Variants in LRRC3B observed in about 807,000 individuals in gnomAD.
The protein encoded by LRRC3B is leucine-rich repeat-containing protein 3B.
Under a neutral mutation model 12.8 loss-of-function variants are expected in LRRC3B, and 2 were observed. The ratio of observed to expected loss-of-function variants is 0.16; its 90% confidence interval spans 0.06 to 0.49. LRRC3B has a LOEUF of 0.49. Among genes scored for constraint, LRRC3B ranks in the 20% least tolerant of loss-of-function variants. The pLI is 0.96. For missense variants in LRRC3B, 189 were observed against 319.4 expected (o/e 0.59, Z 3.11); for synonymous variants, 132 against 122.0 (o/e 1.08, Z -0.54).
intron 1 of LRRC3B, among the ~76,000 whole-genome samples, chr3:26,682,582 T>C (rs1241890350): frequency 6.6e-6 from 1 of 152,204 alleles, no homozygotes; most frequent in Admixed American, 6.5e-5. Flanking sequence ...GGTCCTGTCA[T>C]TGAGATGGGA....
chr3:26,631,074 G>A (rs1698747436), intron 1 of LRRC3B, among the ~76,000 whole-genome samples: 1 of 152,130 alleles, frequency 6.6e-6, no homozygotes, highest in Admixed American at 6.5e-5. Flanking sequence ...TACTGGTATT[G>A]GAAAGTAGAG....
At chr3:26,690,483 G>A (rs544215104) in intron 1 of LRRC3B, among the ~76,000 whole-genome samples, 4 of 152,256 alleles carry the variant, frequency 2.6e-5, no homozygotes, top group South Asian at 2.1e-4. Flanking sequence ...TTACTGCATC[G>A]TGCAGACAAT....
At chr3:26,696,071 A>G (rs1373789345) in intron 1 of LRRC3B, among the ~76,000 whole-genome samples, 1 of 152,242 alleles carries the variant, frequency 6.6e-6, no homozygotes, top group Non-Finnish European at 1.5e-5. Context: ...ATGATAGCAA[A>G]TCATGGGAGA....
intron 1 of LRRC3B, among the ~76,000 whole-genome samples, chr3:26,651,113 C>T (rs1699256094): frequency 6.6e-6 from 1 of 152,152 alleles, no homozygotes; most frequent in Admixed American, 6.5e-5. Flanking sequence ...ATATTTGTTC[C>T]ATTCCATGAT....
At chr3:26,687,845 T>TCA (rs1700116868) in intron 1 of LRRC3B, among the ~76,000 whole-genome samples, 2 of 152,250 alleles carry the variant, frequency 1.3e-5, no homozygotes, top group Non-Finnish European at 2.9e-5. Context: ...AGGGTTGAGA[T>TCA]AATCCATAGT....
chr3:26,682,719 C>T (rs964266094), intron 1 of LRRC3B, among the ~76,000 whole-genome samples: 6 of 152,202 alleles, frequency 3.9e-5, no homozygotes, highest in Non-Finnish European at 7.3e-5. Flanking sequence ...GCTCCCCTCT[C>T]AGGGTTCTCA....
At chr3:26,709,728 A>C (rs1440764085) in exon 2 of LRRC3B, 1 of 1,614,078 alleles carries the variant, frequency 6.2e-7, no homozygotes. Context: ...CTCCTCCTAC[A>C]AAGTTTTGTT....
At chr3:26,670,081 T>C (rs1433823832) in intron 1 of LRRC3B, among the ~76,000 whole-genome samples, 7 of 152,218 alleles carry the variant, frequency 4.6e-5, no homozygotes, top group Non-Finnish European at 1.0e-4. Context: ...TAGAGCTCCA[T>C]GCTAATCACT....
intron 1 of LRRC3B, among the ~76,000 whole-genome samples, chr3:26,696,995 T>G (rs1338921369): frequency 1.3e-5 from 2 of 152,212 alleles, no homozygotes; most frequent in Non-Finnish European, 2.9e-5. Context: ...TCTGATGTTT[T>G]TGTTTTCTGT....
intron 1 of LRRC3B, among the ~76,000 whole-genome samples, chr3:26,672,905 A>G (rs1699780381): frequency 6.6e-6 from 1 of 152,226 alleles, no homozygotes; most frequent in South Asian, 2.1e-4. Flanking sequence ...CCACCAGATC[A>G]GCTGTACAGA....
At chr3:26,667,569 A>G (rs2125428079) in intron 1 of LRRC3B, among the ~76,000 whole-genome samples, 1 of 152,242 alleles carries the variant, frequency 6.6e-6, no homozygotes, top group African/African-American at 2.4e-5. Flanking sequence ...CAGTCTTCTG[A>G]CCTGGAAGGG....
At chr3:26,644,824 G>T (rs1019883351) in intron 1 of LRRC3B, among the ~76,000 whole-genome samples, 1 of 152,142 alleles carries the variant, frequency 6.6e-6, no homozygotes. Flanking sequence ...ATTTGAGGAT[G>T]AAGTATATCA....
At chr3:26,709,576 G>A (rs751385717) in exon 2 of LRRC3B, 21 of 1,228,514 alleles carry the variant, frequency 1.7e-5, no homozygotes, top group Middle Eastern at 2.0e-4. Flanking sequence ...TTTGAAACAC[G>A]CAAGAAGGAA....
At chr3:26,628,120 G>C (rs1290646761) in intron 1 of LRRC3B, among the ~76,000 whole-genome samples, 1 of 152,148 alleles carries the variant, frequency 6.6e-6, no homozygotes, top group African/African-American at 2.4e-5. Flanking sequence ...TGACACGTCT[G>C]CTGGGGAGAT....
At chr3:26,624,624 T>G (rs1033218627) in intron 1 of LRRC3B, 2 of 152,650 alleles carry the variant, frequency 1.3e-5, no homozygotes, top group Non-Finnish European at 2.9e-5. Flanking sequence ...AGCCCTGTGC[T>G]GCGCCCGGGA....
chr3:26,703,722 G>A (rs1318024630), intron 1 of LRRC3B, among the ~76,000 whole-genome samples: 7 of 151,362 alleles, frequency 4.6e-5, no homozygotes, highest in African/African-American at 1.2e-4. Flanking sequence ...CAGATTGTGC[G>A]TCAGAGATCT....
chr3:26,705,797 T>TCCTCATACC (rs1264879866), intron 1 of LRRC3B, among the ~76,000 whole-genome samples: 1 of 152,168 alleles, frequency 6.6e-6, no homozygotes, highest in Admixed American at 6.5e-5. Flanking sequence ...GAGGCACATG[T>TCCTCATACC]CCTCATACCT....
intron 1 of LRRC3B, among the ~76,000 whole-genome samples, chr3:26,636,978 C>CTCTCTCTT (rs200480105): frequency 0.063 from 5,452 of 87,168 alleles, 589 homozygotes; most frequent in Middle Eastern, 0.12. Context: ...TTCTTTCTCT[C>CTCTCTCTT]TCTCTCTTTC....
At chr3:26,674,845 C>A (rs182698056) in intron 1 of LRRC3B, among the ~76,000 whole-genome samples, 1 of 151,994 alleles carries the variant, frequency 6.6e-6, no homozygotes, top group Non-Finnish European at 1.5e-5. Context: ...TGAGGTTGCC[C>A]GGCCTAATAC....
Sources: gnomAD v4.1 joint callset for allele counts (sites outside exome capture counted in the v4.1 genomes callset) on GRCh38, gnomAD v4.1.1 for gene constraint, MANE v1.5 for transcripts, NCBI Gene and HGNC (gene_info 2026-07-23, HGNC 2026-07-21) for gene names.